CPLX2: variants seen among roughly 807,000 people sequenced by gnomAD.
The protein encoded by CPLX2 is complexin 2, also known as complexin-2.
A neutral mutation model predicts 16.3 loss-of-function variants in CPLX2; 5 were observed. The observed-to-expected ratio is 0.31, with a 90% CI of 0.16 to 0.64. The LOEUF (loss-of-function observed/expected upper bound fraction) is 0.64. CPLX2 is among the 30% of genes least tolerant of loss of function. CPLX2 has a pLI of 0.79. For missense variants in CPLX2, 144 were observed against 181.4 expected (o/e 0.79, Z 1.18); for synonymous variants, 89 against 73.2 (o/e 1.22, Z -1.10).
rs923595856 is a variant in CPLX2 at position 175,872,140 on chromosome 5, G to A, written c.-89+435G>A. The A allele has an allele frequency of 6.6e-6, 1 of 152,282 alleles. No individual in the cohort carries two copies. Among genetic ancestry groups the A allele is most frequent in the African/African-American group, 2.4e-5 (1 of 41,444 alleles). 9.4% of individuals were successfully genotyped at this position (152,282 alleles called of 1,614,324 possible). ...GGCTGTGCTTAACCCGAAGCCCGCC[G>A]GAGCACGCTTCGCCCCGGAGGAGGG... On this transcript the variant is annotated intron_variant, in intron 1 of 3. Transcript: ENST00000393745. This position sits in a 1 kb window ranked among gnomAD's most constrained non-coding sequence, Gnocchi z 5.0.
intron 1 of CPLX2, chr5:175,871,927 G>C (rs758089329): frequency 6.6e-6 from 1 of 152,236 alleles, no homozygotes; most frequent in Non-Finnish European, 1.5e-5. Flanking sequence ...TCCTTGCGAG[G>C]GGCCGCGAGC....
chr5:175,821,463 A>G (rs1758507055), intron 2 of CPLX2, among the ~76,000 whole-genome samples: 1 of 151,820 alleles, frequency 6.6e-6, no homozygotes, highest in African/African-American at 2.4e-5. Flanking sequence ...GCTGGAGTGC[A>G]ATGGCGCGAT....
At chr5:175,831,312 G>A (rs544587608) in intron 2 of CPLX2, among the ~76,000 whole-genome samples, 13 of 152,174 alleles carry the variant, frequency 8.5e-5, no homozygotes, top group African/African-American at 2.9e-4. Flanking sequence ...AGGGGAAATC[G>A]TAGCTCAGAG....
At chr5:175,864,361 C>A (rs1288354161) in intron 2 of CPLX2, among the ~76,000 whole-genome samples, 2 of 152,204 alleles carry the variant, frequency 1.3e-5, no homozygotes, top group Non-Finnish European at 2.9e-5. Context: ...GCAGGGGGTA[C>A]CAGCCACCCC....
intron 1 of CPLX2, 103 bp from the exon 2 acceptor site, chr5:175,878,549 G>A: frequency 1.6e-6 from 1 of 635,542 alleles, no homozygotes; most frequent in East Asian, 2.8e-5. Context: ...TCAGAGCGAT[G>A]GGTGCCTGGT....
intron 2 of CPLX2, among the ~76,000 whole-genome samples, chr5:175,851,317 G>T (rs1759150257): frequency 6.6e-6 from 1 of 152,194 alleles, no homozygotes; most frequent in Admixed American, 6.5e-5. Context: ...AAGGGCCACG[G>T]TGAAGCCTGC....
intron 2 of CPLX2, among the ~76,000 whole-genome samples, chr5:175,847,964 C>T (rs1247233991): frequency 6.6e-6 from 1 of 152,256 alleles, no homozygotes; most frequent in African/African-American, 2.4e-5. Context: ...AGCTTCATCA[C>T]AGGGCTAATG....
intron 1 of CPLX2, among the ~76,000 whole-genome samples, chr5:175,808,671 T>A (rs1179771094): frequency 6.6e-6 from 1 of 152,124 alleles, no homozygotes; most frequent in South Asian, 2.1e-4. Context: ...TTTACACCAA[T>A]CAGAAATCAC....
At chr5:175,846,746 C>A (rs1581089374) in intron 2 of CPLX2, among the ~76,000 whole-genome samples, 1 of 152,188 alleles carries the variant, frequency 6.6e-6, no homozygotes. Flanking sequence ...ATGCCACTCC[C>A]CCATGCCTGT....
At chr5:175,808,302 T>G (rs1269012490) in intron 1 of CPLX2, among the ~76,000 whole-genome samples, 1 of 152,144 alleles carries the variant, frequency 6.6e-6, no homozygotes, top group Non-Finnish European at 1.5e-5. Flanking sequence ...AGCAAACTTG[T>G]CACGATGCTC....
chr5:175,880,003 C>G lies in CPLX2; in HGVS notation c.363C>G (p.Leu121=). 6.2e-7 allele frequency: 1 copy of G among 1,613,920 alleles called. No homozygotes were observed. The highest frequency in any genetic ancestry group is 8.5e-7 in the Non-Finnish European group (1 of 1,179,946). The stretch of plus-strand genomic sequence containing the variant: ...AGGAGAGCATCCTGGACACGGTGCT[C>G]AAATACCTGCCCGGGCCGCTGCAGG... ...EEEESILDTV[L]KYLPGPLQDM... is the part of the protein sequence containing the mutation. Residue 121 remains leucine (L), a synonymous_variant, in exon 4 of 4, where the codon CTC becomes CTG. Coordinates refer to ENST00000393745, the MANE Select transcript of CPLX2 (RefSeq NM_001008220.2).
rs1755604422 is a variant in CPLX2, at chr5:175,881,527, GTGTT to G, written c.*1485_*1488del. 1 of 153,082 alleles carries G rather than the reference GTGTT, an allele frequency of 6.5e-6. No individual in the cohort carries two copies. The highest frequency in any genetic ancestry group is 1.5e-5 in the Non-Finnish European group (1 of 68,130). 9.5% of individuals were successfully genotyped at this position (153,082 alleles called of 1,614,324 possible). A position where few individuals can be genotyped will look rare whatever the true frequency, so the allele number is the denominator to read the frequency against. ...GGTATGTGATGGGTTGTAGAAGCGT[GTGTT>G]TGAGAGAATTCAGAGACATTTGAAG... On this transcript the variant is annotated 3_prime_UTR_variant, in exon 4 of 4. Coordinates refer to ENST00000393745, the MANE Select transcript of CPLX2 (RefSeq NM_001008220.2).
At chr5:175,859,539 T>G (rs150190811) in intron 2 of CPLX2, among the ~76,000 whole-genome samples, 6 of 152,342 alleles carry the variant, frequency 3.9e-5, no homozygotes, top group Non-Finnish European at 7.3e-5. Flanking sequence ...CAACTCCAGT[T>G]GACAAACTAG....
chr5:175,821,300 T>C (rs1245331927), intron 2 of CPLX2, among the ~76,000 whole-genome samples: 1 of 152,086 alleles, frequency 6.6e-6, no homozygotes, highest in Non-Finnish European at 1.5e-5. Flanking sequence ...CTCTCCCTCC[T>C]TCACCCCCTT....
At position 175,849,692 on chromosome 5, in the gene CPLX2, T is replaced by C. The variant is rs1759114606; in HGVS notation, c.-88-28960T>C. On this transcript the variant is annotated intron_variant, in intron 2 of 4. Transcript: ENST00000359546. This position sits in a 1 kb window ranked among gnomAD's most constrained non-coding sequence, Gnocchi z 4.4. The stretch of plus-strand genomic sequence containing the variant: ...GGGTCATCATGGGAGAAGCCGGGCT[T>C]TGGAGCTGGACTCACCTGAGCCTCT... 6.6e-6 allele frequency among the ~76,000 whole-genome samples: 1 copy of C among 151,882 alleles called. No individual in the cohort carries two copies. Among genetic ancestry groups the C allele is most frequent in the African/African-American group, 2.4e-5 (1 of 41,368 alleles).
upstream of CPLX2, among the ~76,000 whole-genome samples, chr5:175,868,321 T>C (rs1039755226): frequency 5.3e-5 from 8 of 152,186 alleles, no homozygotes; most frequent in African/African-American, 1.7e-4. Flanking sequence ...TCTGTGACAG[T>C]TGTCATTCCT....
chr5:175,877,515 GC>G (rs1755427428), intron 1 of CPLX2, among the ~76,000 whole-genome samples: 1 of 152,174 alleles, frequency 6.6e-6, no homozygotes, highest in South Asian at 2.1e-4. Flanking sequence ...GGGACAAAAG[GC>G]CTTGGGGAGC....
At chr5:175,815,507 T>C (rs1329064627) in intron 2 of CPLX2, among the ~76,000 whole-genome samples, 1 of 152,194 alleles carries the variant, frequency 6.6e-6, no homozygotes, top group Admixed American at 6.5e-5. Flanking sequence ...CCAGGGTTGA[T>C]GGTTACACCT....
intron 2 of CPLX2, among the ~76,000 whole-genome samples, chr5:175,847,128 T>C (rs957232572): frequency 2.6e-5 from 4 of 152,170 alleles, no homozygotes; most frequent in Admixed American, 6.5e-5. Flanking sequence ...AGGAGGGCTT[T>C]AGGGGCCTCG....
Sources: allele counts gnomAD v4.1 joint callset (sites outside exome capture counted in the v4.1 genomes callset), GRCh38; gene constraint gnomAD v4.1.1; non-coding constraint Gnocchi (gnomAD v3.1); transcripts MANE v1.5; gene names NCBI Gene and HGNC (gene_info 2026-07-23, HGNC 2026-07-21).